SPATA22: variants seen among roughly 807,000 people sequenced by gnomAD.
SPATA22 encodes the protein spermatogenesis associated 22, also known as spermatogenesis-associated protein 22.
A neutral mutation model predicts 47.8 loss-of-function variants in SPATA22; 29 were observed. The observed-to-expected ratio is 0.61, with a 90% confidence interval of 0.45 to 0.83. The LOEUF (loss-of-function observed/expected upper bound fraction) is 0.83. SPATA22 is among the 40% of genes least tolerant of loss of function. SPATA22 has a pLI of 0.00. For synonymous variants in SPATA22, 133 were observed against 140.9 expected (o/e 0.94, Z 0.40); for missense variants, 410 against 421.7 (o/e 0.97, Z 0.24).
chr17:3,486,990 G>A (rs1399944352), intron 1 of SPATA22, among the ~76,000 whole-genome samples: 3 of 152,102 alleles, frequency 2.0e-5, no homozygotes, highest in African/African-American at 7.2e-5. Flanking sequence ...TGAGACCACG[G>A]TTAATCTGAG....
intron 7 of SPATA22, among the ~76,000 whole-genome samples, chr17:3,445,233 T>C (rs557064652): frequency 6.6e-6 from 1 of 152,224 alleles, no homozygotes; most frequent in South Asian, 2.1e-4. Context: ...GACAGAAAAC[T>C]GACATGAAAT....
At chr17:3,478,627 T>G (rs1414581824) in intron 1 of SPATA22, among the ~76,000 whole-genome samples, 1 of 152,226 alleles carries the variant, frequency 6.6e-6, no homozygotes, top group Admixed American at 6.5e-5. Context: ...CCCAGTAGTA[T>G]GCATTTCAGT....
At chr17:3,443,564 T>C (rs1023056732) in intron 7 of SPATA22, among the ~76,000 whole-genome samples, 4 of 151,956 alleles carry the variant, frequency 2.6e-5, no homozygotes, top group African/African-American at 9.7e-5. Context: ...TACAGAGTGG[T>C]TAAATCCCCA....
chr17:3,440,250 G>T lies in SPATA22; in HGVS notation c.989C>A (p.Ser330Tyr). 9 of 1,611,696 alleles carry T rather than the reference G, an allele frequency of 5.6e-6. No homozygotes were observed. The highest frequency in any genetic ancestry group is 7.6e-6 in the Non-Finnish European group (9 of 1,178,756). ...DQKKNIFQCV[S>Y]VRPASVSEQK... Reference sequence around the variant, plus strand: ...TTCAGAAACAGACGCCGGTCTGACAGAAACACATTGGAAAATGTTCTTTTT... The same window carrying T: ...TTCAGAAACAGACGCCGGTCTGACATAAACACATTGGAAAATGTTCTTTTT... The change falls in exon 9 of 9, where the codon TCT (serine) becomes TAT (tyrosine). Residue 330 changes from serine to tyrosine, a missense_variant. Physicochemically the swap from Ser to Tyr is moderately radical, Grantham distance 144 (BLOSUM62 -2). Coordinates refer to ENST00000572969, the MANE Select transcript of SPATA22 (RefSeq NM_001170698.2).
intron 7 of SPATA22, among the ~76,000 whole-genome samples, chr17:3,445,494 G>A (rs1196672209): frequency 6.6e-6 from 1 of 152,122 alleles, no homozygotes; most frequent in Non-Finnish European, 1.5e-5. Flanking sequence ...CTTGATTTTA[G>A]CACTGTGATA....
At chr17:3,464,687 TGAG>T (rs1355716875) in intron 3 of SPATA22, among the ~76,000 whole-genome samples, 1 of 136,956 alleles carries the variant, frequency 7.3e-6, no homozygotes, top group Non-Finnish European at 1.6e-5. Context: ...GTCTGGGAGG[TGAG>T]GAGCGTCTCT....
intron 1 of SPATA22, chr17:3,512,262 T>G (rs2074122688): frequency 6.6e-6 from 1 of 152,276 alleles, no homozygotes; most frequent in Admixed American, 6.5e-5. Flanking sequence ...CACTGTGGCT[T>G]AGAGCACGCG....
intron 5 of SPATA22, among the ~76,000 whole-genome samples, chr17:3,456,619 A>G (rs1407814219): frequency 6.6e-6 from 1 of 152,222 alleles, no homozygotes; most frequent in Non-Finnish European, 1.5e-5. Flanking sequence ...TACCAGAGGT[A>G]CAAGGAAGAG....
chr17:3,446,223 C>T (rs1244554957), intron 7 of SPATA22, among the ~76,000 whole-genome samples: 2 of 152,108 alleles, frequency 1.3e-5, no homozygotes, highest in Admixed American at 6.6e-5. Context: ...TATAAGGTAG[C>T]ATTCACAGGT....
chr17:3,478,721 A>C (rs570763338), intron 1 of SPATA22, among the ~76,000 whole-genome samples: 1 of 152,276 alleles, frequency 6.6e-6, no homozygotes, highest in African/African-American at 2.4e-5. Flanking sequence ...AGCGTGGTTG[A>C]AAAATTATAA....
At chr17:3,491,877 CTTT>C (rs540965896) in intron 1 of SPATA22, among the ~76,000 whole-genome samples, 1 of 123,060 alleles carries the variant, frequency 8.1e-6, no homozygotes, top group Non-Finnish European at 1.6e-5. Context: ...CTTTTGTTTT[CTTT>C]TTTTTTTTTT....
In SPATA22 at chr17:3,488,270, A is replaced by G. The variant is rs147515640; in HGVS notation, c.-73-18872T>C. Among the ~76,000 whole-genome samples, 64 of 152,340 alleles carry G rather than the reference A, an allele frequency of 4.2e-4. No homozygotes were observed. Among genetic ancestry groups the G allele is most frequent in the African/African-American group, 1.3e-3 (55 of 41,578 alleles). On this transcript the variant is annotated intron_variant, in intron 1 of 8. Coordinates refer to the SPATA22 transcript ENST00000541913. The surrounding 1 kb of genome is among the most constrained non-coding windows in gnomAD (Gnocchi z 6.1). ...GAAAGAGTATTTTGTAGATGTAAGG[A>G]TGGATGCTTAACAGCCACACAAAGT...
chr17:3,481,572 T>A (rs2073627262), intron 1 of SPATA22: 2 of 1,580,468 alleles, frequency 1.3e-6, no homozygotes, highest in African/African-American at 1.3e-5. Context: ...GGCACAGATG[T>A]TGTTCATCTT....
rs1210039248 is a variant in SPATA22 at position 3,485,993 on chromosome 17, C to A, written c.-73-16595G>T. Reference sequence around the variant, plus strand: ...TGTTGCCAAGGCTGGAGTACAGTGGCACAATCTCGGCTCACTGCAACCTCC... The same window carrying A: ...TGTTGCCAAGGCTGGAGTACAGTGGAACAATCTCGGCTCACTGCAACCTCC... On this transcript the variant is annotated intron_variant, in intron 1 of 8. Transcript: ENST00000541913. This position sits in a 1 kb window ranked among gnomAD's most constrained non-coding sequence, Gnocchi z 4.4. Among the ~76,000 whole-genome samples, 1 of 149,474 alleles carries A rather than the reference C, an allele frequency of 6.7e-6. No individual in the cohort carries two copies. The highest frequency in any genetic ancestry group is 1.5e-5 in the Non-Finnish European group (1 of 67,762).
At chr17:3,460,319 C>G (rs899125971) in intron 5 of SPATA22, among the ~76,000 whole-genome samples, 3 of 152,110 alleles carry the variant, frequency 2.0e-5, no homozygotes, top group Non-Finnish European at 4.4e-5. Context: ...ATGATTAACT[C>G]TGGATCAGTG....
At chr17:3,456,715 C>T (rs141360051) in intron 5 of SPATA22, among the ~76,000 whole-genome samples, 34,491 of 150,216 alleles carry the variant, frequency 0.23, 4,255 homozygotes, top group East Asian at 0.42. Context: ...AGCATCATCC[C>T]GATACCAAAG....
upstream of SPATA22, among the ~76,000 whole-genome samples, chr17:3,473,472 A>C (rs17822693): frequency 6.4e-3 from 973 of 152,274 alleles, 44 homozygotes; most frequent in East Asian, 0.12. Context: ...CATGACTGTG[A>C]AGTAAAACTC....
intron 5 of SPATA22, among the ~76,000 whole-genome samples, chr17:3,454,389 T>C (rs1229245581): frequency 3.3e-5 from 5 of 152,050 alleles, no homozygotes; most frequent in South Asian, 2.1e-4. Flanking sequence ...CATGCTGGTG[T>C]GCTGCACCCA....
chr17:3,466,702 G>A (rs2073322471), intron 3 of SPATA22, among the ~76,000 whole-genome samples: 1 of 152,346 alleles, frequency 6.6e-6, no homozygotes, highest in South Asian at 2.1e-4. Context: ...TATGATAAAT[G>A]TATTTCTCAG....
Sources: gnomAD v4.1 joint callset for allele counts (sites outside exome capture counted in the v4.1 genomes callset) on GRCh38, gnomAD v4.1.1 for gene constraint, Gnocchi (gnomAD v3.1) non-coding constraint, MANE v1.5 for transcripts, NCBI Gene and HGNC (gene_info 2026-07-23, HGNC 2026-07-21) for gene names.